DCLK2: variants seen among roughly 807,000 people sequenced by gnomAD.
The protein encoded by DCLK2 is doublecortin like kinase 2.
A neutral mutation model predicts 78.4 loss-of-function variants in DCLK2; 31 were observed. The ratio of observed to expected loss-of-function variants is 0.40; its 90% CI spans 0.30 to 0.53. The LOEUF (loss-of-function observed/expected upper bound fraction) is 0.53, where lower values mean the gene tolerates loss of function less well. Ranked by LOEUF, DCLK2 falls within the 20% of genes least tolerant of loss-of-function variation. The pLI is 0.61. For missense variants in DCLK2, 872 were observed against 973.7 expected, an observed-to-expected ratio of 0.90 and a Z score of 1.39; for synonymous variants, 407 against 374.9, an observed-to-expected ratio of 1.09 and a Z score of -0.99.
intron 2 of DCLK2, among the ~76,000 whole-genome samples, chr4:150,152,757 C>T (rs936496115): frequency 1.3e-5 from 2 of 152,044 alleles, no homozygotes; most frequent in African/African-American, 4.8e-5. Flanking sequence ...TATTGCTGTT[C>T]AAAGAATAAT....
chr4:150,164,228 T>C (rs1468450195), intron 2 of DCLK2, among the ~76,000 whole-genome samples: 1 of 152,230 alleles, frequency 6.6e-6, no homozygotes, highest in East Asian at 1.9e-4. Context: ...TTGGAGAGAC[T>C]TTGGCTGTTA....
At chr4:150,165,080 A>G (rs1735970648) in intron 2 of DCLK2, among the ~76,000 whole-genome samples, 1 of 152,248 alleles carries the variant, frequency 6.6e-6, no homozygotes. Flanking sequence ...CATAATCTTT[A>G]GAGAAGATTC....
chr4:150,182,514 T>C (rs780422316), intron 2 of DCLK2, among the ~76,000 whole-genome samples: 3 of 152,216 alleles, frequency 2.0e-5, no homozygotes, highest in Non-Finnish European at 2.9e-5. Flanking sequence ...AAGTGTCTCA[T>C]GCCAGCAATA....
intron 2 of DCLK2, among the ~76,000 whole-genome samples, chr4:150,109,427 C>T (rs1259929200): frequency 1.3e-5 from 2 of 151,826 alleles, no homozygotes; most frequent in African/African-American, 4.8e-5. Flanking sequence ...CTCTGCCTCC[C>T]TGGTTCAAGC....
intron 7 of DCLK2, among the ~76,000 whole-genome samples, chr4:150,223,381 T>C (rs951175441): frequency 2.0e-5 from 3 of 152,250 alleles, no homozygotes; most frequent in African/African-American, 7.2e-5. Context: ...GTGTTCTTTA[T>C]TGAATGCTTT....
intron 5 of DCLK2, 90 bp downstream of exon 5, chr4:150,203,979 C>T (rs771086804): frequency 2.8e-4 from 333 of 1,190,768 alleles, no homozygotes; most frequent in Non-Finnish European, 3.8e-4. Flanking sequence ...GGCTTGAGTA[C>T]AGTAGCAAAT....
chr4:150,123,896 CG>C (rs1237698239), intron 2 of DCLK2, among the ~76,000 whole-genome samples: 1 of 151,730 alleles, frequency 6.6e-6, no homozygotes, highest in African/African-American at 2.4e-5. Flanking sequence ...AAAAAGTAGC[CG>C]GGTGTGGTAG....
chr4:150,138,219 A>G (rs558209000), intron 2 of DCLK2, among the ~76,000 whole-genome samples: 6 of 152,290 alleles, frequency 3.9e-5, no homozygotes, highest in African/African-American at 9.6e-5. Context: ...GGGCTTTGCA[A>G]CCCAACTACC....
At chr4:150,184,137 T>G (rs1737730893) in intron 2 of DCLK2, among the ~76,000 whole-genome samples, 1 of 152,234 alleles carries the variant, frequency 6.6e-6, no homozygotes. Flanking sequence ...CAAGACTGCA[T>G]GTATGGTGCT....
intron 5 of DCLK2, among the ~76,000 whole-genome samples, chr4:150,204,682 A>G (rs1230204264): frequency 6.6e-6 from 1 of 152,166 alleles, no homozygotes; most frequent in Non-Finnish European, 1.5e-5. Flanking sequence ...ACTTGAGGTC[A>G]GGAGTTCAAG....
At chr4:150,119,746 G>C (rs976324282) in intron 2 of DCLK2, among the ~76,000 whole-genome samples, 1 of 151,138 alleles carries the variant, frequency 6.6e-6, no homozygotes, top group African/African-American at 2.4e-5. Context: ...AAAATATTTA[G>C]CAGGGAGAAA....
At chr4:150,184,890 C>T (rs944397506) in intron 2 of DCLK2, among the ~76,000 whole-genome samples, 6 of 152,230 alleles carry the variant, frequency 3.9e-5, no homozygotes, top group Middle Eastern at 3.4e-3. Context: ...CGTGAGCCTC[C>T]GTGCCCGGCC....
intron 2 of DCLK2, among the ~76,000 whole-genome samples, chr4:150,144,592 A>ATTGTT (rs1444182432): frequency 6.6e-6 from 1 of 151,542 alleles, no homozygotes; most frequent in Non-Finnish European, 1.5e-5. Context: ...GAGCTTTAGG[A>ATTGTT]TTGTTTTGTT....
chr4:150,128,685 G>A (rs1029206530), intron 2 of DCLK2, among the ~76,000 whole-genome samples: 1 of 152,110 alleles, frequency 6.6e-6, no homozygotes, highest in Non-Finnish European at 1.5e-5. Flanking sequence ...ATTCCAGATA[G>A]GAAGCAGACA....
At chr4:150,219,062 G>A (rs1580738817) in intron 5 of DCLK2, among the ~76,000 whole-genome samples, 1 of 151,864 alleles carries the variant, frequency 6.6e-6, no homozygotes, top group African/African-American at 2.4e-5. Context: ...AAATTAGCTG[G>A]GTGTGATGGC....
rs144135546 is a variant in DCLK2 at position 150,211,989 on chromosome 4, C to G, written c.1056+8100C>G. On this transcript the variant is annotated intron_variant, in intron 5 of 15. Coordinates refer to ENST00000296550, the MANE Select transcript of DCLK2 (RefSeq NM_001040260.4). The stretch of plus-strand genomic sequence containing the variant: ...CCAGATGGATGAAGAAAGCATTTCC[C>G]TGAACTTTAATTCATCATTCATGTT... Among the ~76,000 whole-genome samples the G allele has an allele frequency of 1.8e-3, 277 of 152,256 alleles. 1 individual carries two copies. Among genetic ancestry groups the G allele is most frequent in the African/African-American group, 6.0e-3 (250 of 41,540 alleles).
rs115850816 is a variant in DCLK2 at position 150,170,682 on chromosome 4, A to T, written c.757-22456A>T. Among the ~76,000 whole-genome samples, 34 of 152,300 alleles carry T rather than the reference A, an allele frequency of 2.2e-4. 1 individual carries two copies. Among genetic ancestry groups the T allele is most frequent in the African/African-American group, 8.2e-4 (34 of 41,576 alleles). Reference sequence around the variant, plus strand: ...GATATCTTCCTTTCCCCTAGGGGGAAATTGGAACTGCAATATTAAGAGGCT... The same window carrying T: ...GATATCTTCCTTTCCCCTAGGGGGATATTGGAACTGCAATATTAAGAGGCT... On this transcript the variant is annotated intron_variant, in intron 2 of 15. Transcript: ENST00000296550.
chr4:150,199,828 A>G (rs1739329457), intron 4 of DCLK2, among the ~76,000 whole-genome samples: 1 of 152,190 alleles, frequency 6.6e-6, no homozygotes. Context: ...AGCTTTACAG[A>G]TGCTTATTAC....
rs1728995880 is a variant in DCLK2 at position 150,078,714 on chromosome 4, C to A, written c.-314C>A. The A allele has an allele frequency of 1.3e-5, 3 of 225,302 alleles. No homozygotes were observed. Among genetic ancestry groups the A allele is most frequent in the Admixed American group, 5.8e-5 (1 of 17,304 alleles). 14.0% of individuals were successfully genotyped at this position (225,302 alleles called of 1,614,324 possible). On this transcript the variant is annotated 5_prime_UTR_variant, in exon 1 of 16. Transcript: ENST00000296550. ...TTGCCTCTCCCGGTCGGCTCCCGAG[C>A]GGGACTTGTGAGGCGTGGCCGGGTG...
Sources: gnomAD v4.1 joint callset for allele counts (sites outside exome capture counted in the v4.1 genomes callset) on GRCh38, gnomAD v4.1.1 for gene constraint, MANE v1.5 for transcripts, NCBI Gene and HGNC (gene_info 2026-07-23, HGNC 2026-07-21) for gene names.